The following DSCAM variants were observed in gnomAD, a reference collection of about 807,000 sequenced individuals.
DSCAM encodes DS cell adhesion molecule, also known as cell adhesion molecule DSCAM.
Under a neutral mutation model 217.7 loss-of-function variants are expected in DSCAM, and 47 were observed. That is an observed-to-expected ratio of 0.22 (90% confidence interval 0.17 to 0.28). The LOEUF (loss-of-function observed/expected upper bound fraction) is 0.28, where lower values mean the gene tolerates loss of function less well. Ranked by LOEUF, DSCAM falls within the 10% of genes least tolerant of loss-of-function variation. The pLI, the probability that DSCAM is intolerant of heterozygous loss-of-function variation, is 1.00. For synonymous variants in DSCAM, 1,056 were observed against 1,015.3 expected (o/e 1.04, Z -0.76); for missense variants, 2,080 against 2,618.3 (o/e 0.79, Z 4.49).
chr21:40,358,715 T>C (rs1236238159), intron 4 of DSCAM, among the ~76,000 whole-genome samples: 2 of 149,194 alleles, frequency 1.3e-5, no homozygotes, highest in Non-Finnish European at 3.0e-5. Context: ...GGCAGGATAA[T>C]AGCTTGAACC....
intron 8 of DSCAM, among the ~76,000 whole-genome samples, chr21:40,320,399 G>A (rs1330869038): frequency 2.0e-5 from 3 of 151,514 alleles, no homozygotes; most frequent in Non-Finnish European, 4.4e-5. Flanking sequence ...CCATTGCAGT[G>A]TTAGCTTTGT....
intron 10 of DSCAM, among the ~76,000 whole-genome samples, chr21:40,278,438 A>G (rs115147154): frequency 6.6e-6 from 1 of 152,164 alleles, no homozygotes; most frequent in South Asian, 2.1e-4. Context: ...ATTGTGTTTC[A>G]TAACAACTTA....
chr21:40,227,239 T>A (rs2091341380), intron 11 of DSCAM, among the ~76,000 whole-genome samples: 1 of 152,208 alleles, frequency 6.6e-6, no homozygotes, highest in African/African-American at 2.4e-5. Flanking sequence ...TGAAGCCACA[T>A]TCCTGAGAAT....
chr21:40,282,273 T>C (rs889235752), intron 10 of DSCAM, among the ~76,000 whole-genome samples: 15 of 151,914 alleles, frequency 9.9e-5, no homozygotes, highest in Middle Eastern at 3.2e-3. Flanking sequence ...AAATATAGGA[T>C]TGAAAAAATA....
At chr21:40,429,490 A>C (rs1452871243) in intron 3 of DSCAM, among the ~76,000 whole-genome samples, 1 of 151,406 alleles carries the variant, frequency 6.6e-6, no homozygotes, top group Non-Finnish European at 1.5e-5. Context: ...CTGGTCTCAA[A>C]CTCCTGACCT....
chr21:40,725,846 T>A (rs568305376), intron 1 of DSCAM, among the ~76,000 whole-genome samples: 2 of 152,282 alleles, frequency 1.3e-5, no homozygotes, highest in Admixed American at 1.3e-4. Flanking sequence ...TAGAATTCCA[T>A]ACTCAAAGTA....
intron 1 of DSCAM, among the ~76,000 whole-genome samples, chr21:40,720,254 G>A (rs1318523121): frequency 6.6e-6 from 1 of 152,176 alleles, no homozygotes; most frequent in Non-Finnish European, 1.5e-5. Context: ...CTTCCAAAAT[G>A]AAAGGGAATA....
intron 1 of DSCAM, among the ~76,000 whole-genome samples, chr21:40,729,495 T>A (rs1453775237): frequency 1.3e-5 from 2 of 152,286 alleles, no homozygotes; most frequent in Non-Finnish European, 1.5e-5. Flanking sequence ...TGCCGTGTAG[T>A]CCTTGGAGCT....
intron 3 of DSCAM, among the ~76,000 whole-genome samples, chr21:40,547,050 C>G (rs1018712372): frequency 2.0e-5 from 3 of 152,140 alleles, no homozygotes; most frequent in Non-Finnish European, 4.4e-5. Flanking sequence ...AGCAGAGCAA[C>G]TAAGACAGAG....
chr21:40,493,765 A>G (rs2076094560), intron 3 of DSCAM, among the ~76,000 whole-genome samples: 1 of 151,438 alleles, frequency 6.6e-6, no homozygotes, highest in Non-Finnish European at 1.5e-5. Flanking sequence ...CGGGAAGCTG[A>G]GGCAGGAGAA....
intron 8 of DSCAM, among the ~76,000 whole-genome samples, chr21:40,337,626 C>T (rs552722180): frequency 2.4e-4 from 36 of 152,152 alleles, no homozygotes; most frequent in Admixed American, 8.5e-4. Flanking sequence ...TCTGTGGCAT[C>T]CTTTAAACAT....
rs377041052 is a variant in DSCAM at position 40,405,599 on chromosome 21, T to C, written c.509-36354A>G. ...AATGAAAGGAAATATTTGCAAATCA[T>C]ATATCTGATAATATCCAAAATACAT... is the stretch of plus-strand genomic sequence containing the variant. On this transcript the variant is annotated intron_variant, in intron 3 of 32. Coordinates refer to ENST00000400454, the MANE Select transcript of DSCAM (RefSeq NM_001389.5). 2.6e-5 allele frequency among the ~76,000 whole-genome samples: 4 copies of C among 152,328 alleles called. No individual in the cohort carries two copies. In the South Asian group the frequency reaches 6.2e-4, roughly 24 times the overall value.
chr21:40,239,651 T>C (rs2837528), intron 11 of DSCAM, among the ~76,000 whole-genome samples: 76,865 of 151,938 alleles, frequency 0.51, 20,422 homozygotes, highest in African/African-American at 0.66. Context: ...ATAGGAAACT[T>C]CCAAAGTCAC....
At chr21:40,094,554 G>T (rs567592505) in intron 20 of DSCAM, among the ~76,000 whole-genome samples, 2 of 152,270 alleles carry the variant, frequency 1.3e-5, no homozygotes, top group East Asian at 3.9e-4. Flanking sequence ...AACTACCCAA[G>T]GCCAGGGAAA....
At chr21:40,319,145 TGAAGTA>T (rs2074232664) in intron 8 of DSCAM, among the ~76,000 whole-genome samples, 1 of 152,222 alleles carries the variant, frequency 6.6e-6, no homozygotes, top group Admixed American at 6.5e-5. Context: ...TGTGGATGAA[TGAAGTA>T]GGAGTTTTGA....
intron 16 of DSCAM, among the ~76,000 whole-genome samples, chr21:40,156,055 A>C (rs954719867): frequency 8.1e-6 from 1 of 123,634 alleles, no homozygotes; most frequent in Non-Finnish European, 1.7e-5. Context: ...CTCCCACCCT[A>C]TATATAATAT....
At chr21:40,726,493 T>C (rs1202752434) in intron 1 of DSCAM, among the ~76,000 whole-genome samples, 4 of 151,794 alleles carry the variant, frequency 2.6e-5, no homozygotes, top group African/African-American at 7.3e-5. Context: ...AGAATTTCAG[T>C]GTAAAAAGAT....
intron 11 of DSCAM, among the ~76,000 whole-genome samples, chr21:40,272,328 TAGACTCACAGACAGGAACCCCA>T (rs968492125): frequency 1.3e-5 from 2 of 152,178 alleles, no homozygotes; most frequent in Non-Finnish European, 2.9e-5. Context: ...GATGACAGTG[TAGACTCACAGACAGGAACCCCA>T]ACAGAGCTGG....
chr21:40,556,696 C>T (rs2076674669), intron 3 of DSCAM, among the ~76,000 whole-genome samples: 1 of 151,836 alleles, frequency 6.6e-6, no homozygotes, highest in African/African-American at 2.4e-5. Flanking sequence ...TAAATATCAG[C>T]TCTGGAGGGA....
Sources: gnomAD v4.1 joint callset for allele counts (sites outside exome capture counted in the v4.1 genomes callset) on GRCh38, gnomAD v4.1.1 for gene constraint, MANE v1.5 for transcripts, NCBI Gene and HGNC (gene_info 2026-07-23, HGNC 2026-07-21) for gene names.